MICAL2: variants seen among roughly 807,000 people sequenced by gnomAD.
MICAL2 encodes microtubule associated monooxygenase, calponin and LIM domain containing 2.
A neutral mutation model predicts 127.3 loss-of-function variants in MICAL2; 77 were observed. The ratio of observed to expected loss-of-function variants is 0.60; its 90% CI spans 0.50 to 0.73. The LOEUF is 0.73. Ranked by LOEUF, MICAL2 falls within the 30% of genes least tolerant of loss-of-function variation. The pLI, the probability that MICAL2 is intolerant of heterozygous loss-of-function variation, is 0.00. For synonymous variants in MICAL2, 570 were observed against 551.1 expected, an observed-to-expected ratio of 1.03 and a Z score of -0.48; for missense variants, 1,351 against 1,434.4, an observed-to-expected ratio of 0.94 and a Z score of 0.94.
At chr11:12,168,959 A>G (rs1183672537) in intron 3 of MICAL2, among the ~76,000 whole-genome samples, 4 of 19,680 alleles carry the variant, frequency 2.0e-4, no homozygotes, top group African/African-American at 3.4e-4. Context: ...AAAAAAAAAA[A>G]AAAAGAAAAG....
At chr11:12,299,396 T>C (rs1384970022) in intron 29 of MICAL2, among the ~76,000 whole-genome samples, 1 of 152,220 alleles carries the variant, frequency 6.6e-6, no homozygotes, top group Non-Finnish European at 1.5e-5. Flanking sequence ...AACAGCATCA[T>C]GCTCATTCAA....
At chr11:12,326,152 T>A (rs1864351296) in intron 31 of MICAL2, among the ~76,000 whole-genome samples, 1 of 152,164 alleles carries the variant, frequency 6.6e-6, no homozygotes, top group South Asian at 2.1e-4. Context: ...CCAGGGGAGA[T>A]TTAGAAAGAC....
intron 9 of MICAL2, 61 bp downstream of exon 9, chr11:12,220,519 T>G: frequency 6.4e-7 from 1 of 1,570,636 alleles, no homozygotes; most frequent in Non-Finnish European, 8.6e-7. Context: ...GTTTGTATTC[T>G]GGCAGGCAGT....
intron 33 of MICAL2, among the ~76,000 whole-genome samples, chr11:12,353,770 G>A (rs1400699837): frequency 6.6e-6 from 1 of 152,148 alleles, no homozygotes; most frequent in African/African-American, 2.4e-5. Flanking sequence ...CCACCCCAAA[G>A]CATCACTGAC....
chr11:12,209,632 G>T lies in MICAL2; in HGVS notation c.691+34G>T, dbSNP rs2046488. 95,454 of 1,546,828 alleles carry T rather than the reference G, an allele frequency of 0.062. 8,045 individuals are homozygous for T. The highest frequency in any genetic ancestry group is 0.42 in the East Asian group (18,689 of 44,492). On this transcript the variant is annotated intron_variant, in intron 6 of 27. Coordinates refer to ENST00000683283, the MANE Select transcript of MICAL2 (RefSeq NM_001282663.2). ...TCTTCTTCTTGGTGTGGGAATGGGG[G>T]GATGGGAATGGGAGAGGGTACATTG...
chr11:12,350,627 C>T (rs138617098), intron 33 of MICAL2, among the ~76,000 whole-genome samples: 1 of 152,250 alleles, frequency 6.6e-6, no homozygotes, highest in Non-Finnish European at 1.5e-5. Context: ...TATCACTCTT[C>T]CCTGCCTGGG....
intron 20 of MICAL2, chr11:12,243,534 T>C (rs1860266699): frequency 6.0e-6 from 1 of 165,992 alleles, no homozygotes; most frequent in Non-Finnish European, 1.3e-5. Context: ...GCTTTACACT[T>C]CGTTCATTTT....
At chr11:12,130,377 G>C (rs982070489) in intron 1 of MICAL2, among the ~76,000 whole-genome samples, 1 of 152,182 alleles carries the variant, frequency 6.6e-6, no homozygotes, top group African/African-American at 2.4e-5. Flanking sequence ...CCTGCAGGGG[G>C]CTGAATCAGA....
intron 29 of MICAL2, among the ~76,000 whole-genome samples, chr11:12,311,492 AC>A (rs1219927160): frequency 6.6e-6 from 1 of 151,990 alleles, no homozygotes; most frequent in Non-Finnish European, 1.5e-5. Flanking sequence ...ACTCACTGCA[AC>A]CTCTGCCTCT....
intron 3 of MICAL2, among the ~76,000 whole-genome samples, chr11:12,193,419 A>G (rs1475135572): frequency 6.6e-6 from 1 of 152,208 alleles, no homozygotes; most frequent in Non-Finnish European, 1.5e-5. Flanking sequence ...CTTTTCTCAT[A>G]CAGATCCACT....
chr11:12,267,743 A>G (rs1050976091), downstream of MICAL2, among the ~76,000 whole-genome samples: 8 of 152,166 alleles, frequency 5.3e-5, no homozygotes, highest in East Asian at 1.5e-3. Flanking sequence ...CTGAGACTAC[A>G]GGCACCCGCC....
chr11:12,261,732 G>T (rs542660194), intron 26 of MICAL2: 4 of 985,446 alleles, frequency 4.1e-6, no homozygotes, highest in East Asian at 2.3e-4. Context: ...GAAATCCTTG[G>T]GAAAAACAGA....
intron 30 of MICAL2, among the ~76,000 whole-genome samples, chr11:12,321,796 G>T (rs770931260): frequency 6.6e-6 from 1 of 152,160 alleles, no homozygotes; most frequent in East Asian, 1.9e-4. Flanking sequence ...GCTGGGAAGC[G>T]CTAAGACCAC....
intron 32 of MICAL2, among the ~76,000 whole-genome samples, chr11:12,344,293 C>T (rs1204587489): frequency 6.6e-6 from 1 of 151,588 alleles, no homozygotes; most frequent in Admixed American, 6.6e-5. Flanking sequence ...GAGATTCGGT[C>T]TCAAAAAAAC....
In MICAL2 at chr11:12,323,992, TAGAA is replaced by T. The variant is rs1864328855; in HGVS notation, c.5344_5347del (p.Arg1782GlufsTer5). ...GGTTTTCATAGGAGAAGAAGACACT[TAGAA>T]GAAGAAAGAAGCTAGAAAAAGCAAT... On this transcript the variant is annotated frameshift_variant, in exon 31 of 35. Transcript: ENST00000646065. LOFTEE classifies it high-confidence loss of function. The T allele has an allele frequency of 6.2e-7, 1 of 1,609,572 alleles. No individual in the cohort carries two copies. Among genetic ancestry groups the T allele is most frequent in the Admixed American group, 1.7e-5 (1 of 59,556 alleles).
chr11:12,290,304 G>T (rs1422943994), downstream of MICAL2, among the ~76,000 whole-genome samples: 3 of 152,136 alleles, frequency 2.0e-5, no homozygotes, highest in Admixed American at 6.5e-5. Context: ...GAAGGGAGTG[G>T]CTTCTGGGTC....
chr11:12,235,295 C>A (rs1858882833), intron 15 of MICAL2, among the ~76,000 whole-genome samples: 1 of 152,140 alleles, frequency 6.6e-6, no homozygotes, highest in African/African-American at 2.4e-5. Context: ...CAGCCGAGTG[C>A]CCTTTGGGAG....
intron 3 of MICAL2, among the ~76,000 whole-genome samples, chr11:12,173,376 A>T (rs1856494217): frequency 6.6e-6 from 1 of 152,218 alleles, no homozygotes; most frequent in Non-Finnish European, 1.5e-5. Flanking sequence ...AATCTACAAG[A>T]CTTAAGTCCA....
At chr11:12,285,991 C>A (rs933005172) in intron 2 of MICAL2, among the ~76,000 whole-genome samples, 1 of 152,192 alleles carries the variant, frequency 6.6e-6, no homozygotes, top group African/African-American at 2.4e-5. Context: ...GGCGCAGGGG[C>A]CTGAAGCCTG....
Sources: allele counts gnomAD v4.1 joint callset (sites outside exome capture counted in the v4.1 genomes callset), GRCh38; gene constraint gnomAD v4.1.1; transcripts MANE v1.5; gene names NCBI Gene and HGNC (gene_info 2026-07-23, HGNC 2026-07-21).